The following ANKRD30BL variants were observed in gnomAD, a reference collection of about 807,000 sequenced individuals.
ANKRD30BL encodes the protein putative ankyrin repeat domain-containing protein 30B-like.
Under a neutral mutation model 18.4 loss-of-function variants are expected in ANKRD30BL, and 20 were observed. That is an observed-to-expected ratio of 1.09 (90% CI 0.77 to 1.58). The LOEUF (loss-of-function observed/expected upper bound fraction) is 1.58, where lower values mean the gene tolerates loss of function less well. Ranked by LOEUF, ANKRD30BL falls within the 40% of genes most tolerant of loss-of-function variation. The probability of loss-of-function intolerance (pLI) is 0.00; values close to 1 mark genes in which losing one functional copy is unlikely to be tolerated. For missense variants in ANKRD30BL, 224 were observed against 268.6 expected (o/e 0.83, Z 1.16); for synonymous variants, 72 against 100.9 (o/e 0.71, Z 1.72).
At chr2:132,213,240 G>A (rs964671845) in intron 1 of ANKRD30BL, among the ~76,000 whole-genome samples, 1 of 149,650 alleles carries the variant, frequency 6.7e-6, no homozygotes, top group African/African-American at 2.5e-5. Flanking sequence ...AGATTGAGCA[G>A]CTTTGAAACA....
At chr2:132,158,564 C>A (rs1687973605) in intron 1 of ANKRD30BL, among the ~76,000 whole-genome samples, 1 of 151,620 alleles carries the variant, frequency 6.6e-6, no homozygotes, top group Admixed American at 6.6e-5. Context: ...TAAGGCTGAG[C>A]AGGTAAATGT....
chr2:132,210,333 G>C (rs1312986371), intron 1 of ANKRD30BL, among the ~76,000 whole-genome samples: 1 of 151,988 alleles, frequency 6.6e-6, no homozygotes, highest in Non-Finnish European at 1.5e-5. Flanking sequence ...TGGATATTTG[G>C]AGCGCTTTGC....
intron 1 of ANKRD30BL, among the ~76,000 whole-genome samples, chr2:132,238,356 A>G (rs1205016844): frequency 6.6e-6 from 1 of 151,966 alleles, no homozygotes; most frequent in African/African-American, 2.4e-5. Flanking sequence ...GTGTGCATTC[A>G]ACTCACAGAG....
At chr2:132,243,261 T>G (rs778589511) in intron 1 of ANKRD30BL, among the ~76,000 whole-genome samples, 2 of 151,800 alleles carry the variant, frequency 1.3e-5, no homozygotes, top group Non-Finnish European at 3.0e-5. Flanking sequence ...TAGAAATTTC[T>G]TTGTGATGTG....
At chr2:132,236,843 C>T (rs376688293) in intron 1 of ANKRD30BL, among the ~76,000 whole-genome samples, 5 of 151,714 alleles carry the variant, frequency 3.3e-5, no homozygotes, top group East Asian at 3.9e-4. Context: ...TATTGTGGCA[C>T]TATTCACAAT....
At chr2:132,165,140 C>A (rs1240753034), upstream of ANKRD30BL, among the ~76,000 whole-genome samples, 1 of 152,070 alleles carries the variant, frequency 6.6e-6, no homozygotes, top group Non-Finnish European at 1.5e-5. Flanking sequence ...TGGTATCATA[C>A]AGAATACTTT....
intron 1 of ANKRD30BL, among the ~76,000 whole-genome samples, chr2:132,219,255 C>T (rs1234120569): frequency 1.3e-5 from 2 of 151,478 alleles, no homozygotes; most frequent in East Asian, 3.9e-4. Context: ...ACTCTTTTCA[C>T]AGGATCTGCA....
chr2:132,219,123 A>G (rs1327559620), intron 1 of ANKRD30BL, among the ~76,000 whole-genome samples: 4 of 151,560 alleles, frequency 2.6e-5, no homozygotes, highest in East Asian at 3.9e-4. Context: ...CTTGAGGCCT[A>G]TGGTGGAAAG....
At chr2:132,160,401 C>CTTTTTTTTTTTTT (rs33924872) in intron 1 of ANKRD30BL, among the ~76,000 whole-genome samples, 2 of 97,574 alleles carry the variant, frequency 2.0e-5, no homozygotes, top group African/African-American at 8.7e-5. Context: ...ACGCCTGGCC[C>CTTTTTTTTTTTTT]TTTTTTTTTT....
chr2:132,174,529 C>T (rs548407216), intron 1 of ANKRD30BL, among the ~76,000 whole-genome samples: 26 of 152,138 alleles, frequency 1.7e-4, no homozygotes, highest in African/African-American at 5.3e-4. Context: ...ACTAGGCATG[C>T]GTCAACTTCT....
intron 1 of ANKRD30BL, among the ~76,000 whole-genome samples, chr2:132,251,724 A>G (rs1269240495): frequency 1.3e-5 from 2 of 152,144 alleles, no homozygotes; most frequent in African/African-American, 4.8e-5. Context: ...CAAACAAAAC[A>G]ATTCCATTCA....
At chr2:132,160,650 G>A (rs1412645112) in intron 1 of ANKRD30BL, among the ~76,000 whole-genome samples, 3 of 150,884 alleles carry the variant, frequency 2.0e-5, no homozygotes, top group Non-Finnish European at 4.4e-5. Context: ...GGATGGTCTC[G>A]ATCTCCTGAC....
intron 1 of ANKRD30BL, among the ~76,000 whole-genome samples, chr2:132,193,196 T>C (rs937700788): frequency 1.1e-4 from 16 of 152,206 alleles, no homozygotes; most frequent in African/African-American, 3.6e-4. Context: ...ACATATGCAG[T>C]CACTCATATG....
intron 1 of ANKRD30BL, among the ~76,000 whole-genome samples, chr2:132,239,928 C>G (rs879116570): frequency 6.6e-6 from 1 of 151,740 alleles, no homozygotes; most frequent in Non-Finnish European, 1.5e-5. Flanking sequence ...TTTGTAGAAT[C>G]TGCAAGTGGA....
At chr2:132,170,396 G>A (rs1344842660) in intron 1 of ANKRD30BL, among the ~76,000 whole-genome samples, 1 of 152,152 alleles carries the variant, frequency 6.6e-6, no homozygotes, top group East Asian at 1.9e-4. Flanking sequence ...TTGAATCCCA[G>A]CCTCCGTCCT....
At chr2:132,162,916 G>A (rs1688111942), upstream of ANKRD30BL, among the ~76,000 whole-genome samples, 1 of 152,214 alleles carries the variant, frequency 6.6e-6, no homozygotes, top group Admixed American at 6.5e-5. Flanking sequence ...TGCAGGTAGC[G>A]GCTACAGTTC....
intron 1 of ANKRD30BL, among the ~76,000 whole-genome samples, chr2:132,237,436 A>G (rs1680182865): frequency 6.6e-6 from 1 of 152,096 alleles, no homozygotes; most frequent in Non-Finnish European, 1.5e-5. Context: ...TTCGTTGGAA[A>G]CGGGAATATC....
intron 1 of ANKRD30BL, among the ~76,000 whole-genome samples, chr2:132,226,752 T>A (rs1476353282): frequency 1.1e-4 from 16 of 151,564 alleles, no homozygotes; most frequent in African/African-American, 3.9e-4. Flanking sequence ...TGTGCGTTCA[T>A]CTCACAGAGT....
intron 1 of ANKRD30BL, among the ~76,000 whole-genome samples, chr2:132,183,106 T>G (rs1321030502): frequency 6.6e-6 from 1 of 151,776 alleles, no homozygotes; most frequent in Non-Finnish European, 1.5e-5. Context: ...ACTAAATTCC[T>G]TGGTACAATA....
Sources: gnomAD v4.1 joint callset for allele counts (sites outside exome capture counted in the v4.1 genomes callset) on GRCh38, gnomAD v4.1.1 for gene constraint, MANE v1.5 for transcripts, NCBI Gene and HGNC (gene_info 2026-07-23, HGNC 2026-07-21) for gene names.